The following TENM3 variants were observed in gnomAD, a reference collection of about 807,000 sequenced individuals.
TENM3 encodes the protein teneurin-3.
Under a neutral mutation model 255.1 loss-of-function variants are expected in TENM3, and 63 were observed. The ratio of observed to expected loss-of-function variants is 0.25; its 90% confidence interval spans 0.20 to 0.30. The LOEUF (loss-of-function observed/expected upper bound fraction) is 0.30. TENM3 is among the 10% of genes least tolerant of loss of function. The pLI is 1.00. For synonymous variants in TENM3, 1,306 were observed against 1,322.3 expected, an observed-to-expected ratio of 0.99 and a Z score of 0.27; for missense variants, 2,929 against 3,461.1, an observed-to-expected ratio of 0.85 and a Z score of 3.86.
the TENM3 span, among the ~76,000 whole-genome samples, chr4:181,654,165 A>G: frequency 2.0e-5 from 3 of 151,820 alleles, no homozygotes; most frequent in Non-Finnish European, 4.4e-5. Context: ...TAATAGTCCT[A>G]AAATAAAGCT....
At chr4:181,678,892 A>G in the TENM3 span, among the ~76,000 whole-genome samples, 1 of 151,596 alleles carries the variant, frequency 6.6e-6, no homozygotes, top group Non-Finnish European at 1.5e-5. Flanking sequence ...ATTATCTACC[A>G]ATAAAAGCTG....
chr4:182,301,832 CACACAACTCTAA>C (rs1173931272), intron 1 of TENM3, among the ~76,000 whole-genome samples: 31 of 152,104 alleles, frequency 2.0e-4, no homozygotes, highest in Non-Finnish European at 3.7e-4. Flanking sequence ...ATAAGTGTGG[CACACAACTCTAA>C]AGACAGGGAA....
the TENM3 span, among the ~76,000 whole-genome samples, chr4:181,997,520 C>T: frequency 8.5e-5 from 13 of 152,096 alleles, 1 homozygote; most frequent in Admixed American, 8.5e-4. Flanking sequence ...TGTTAAAGAT[C>T]TATTGCATTT....
the TENM3 span, among the ~76,000 whole-genome samples, chr4:181,861,748 C>T: frequency 6.6e-6 from 1 of 152,076 alleles, no homozygotes; most frequent in Non-Finnish European, 1.5e-5. Flanking sequence ...ATATTTTGTA[C>T]CATGAAAATA....
chr4:182,253,469 G>A (rs1758174355), intron 1 of TENM3, among the ~76,000 whole-genome samples: 1 of 152,064 alleles, frequency 6.6e-6, no homozygotes, highest in Non-Finnish European at 1.5e-5. Flanking sequence ...GCAAAACTCT[G>A]TCCCCCCAGA....
chr4:182,139,344 GAAATAAAAAGATGTT>G (rs1749232075), upstream of TENM3, among the ~76,000 whole-genome samples: 1 of 152,136 alleles, frequency 6.6e-6, no homozygotes, highest in Admixed American at 6.5e-5. Flanking sequence ...GCACTTCTGG[GAAATAAAAAGATGTT>G]CAATTTGTCT....
At chr4:181,716,898 A>T in the TENM3 span, among the ~76,000 whole-genome samples, 1 of 152,198 alleles carries the variant, frequency 6.6e-6, no homozygotes, top group Non-Finnish European at 1.5e-5. Flanking sequence ...CGCTCCCCCA[A>T]TACCTCACCA....
rs139347533 is a variant in TENM3, at chr4:182,286,354, G to A, written c.-75-37592G>A. Among the ~76,000 whole-genome samples, 284 of 152,260 alleles carry A rather than the reference G, an allele frequency of 1.9e-3. 1 individual carries two copies. Among genetic ancestry groups the A allele is most frequent in the African/African-American group, 6.6e-3 (276 of 41,558 alleles). Reference sequence around the variant, plus strand: ...CCAGCATAGATCAGCAAATTGGCAGGGGCCCACCTAACTGTTCAACCAGAG... The same window carrying A: ...CCAGCATAGATCAGCAAATTGGCAGAGGCCCACCTAACTGTTCAACCAGAG... On this transcript the variant is annotated intron_variant, in intron 1 of 27. Transcript: ENST00000511685.
chr4:182,624,448 A>G (rs1252830240), intron 4 of TENM3, among the ~76,000 whole-genome samples: 2 of 152,152 alleles, frequency 1.3e-5, no homozygotes, highest in African/African-American at 4.8e-5. Flanking sequence ...CGAGCATGGC[A>G]TGGAAGCAGT....
chr4:182,218,805 G>A (rs1258313856), intron 1 of TENM3, among the ~76,000 whole-genome samples: 1 of 152,198 alleles, frequency 6.6e-6, no homozygotes, highest in Non-Finnish European at 1.5e-5. Context: ...AAAGAATCAT[G>A]AAAATTTGAT....
intron 22 of TENM3, among the ~76,000 whole-genome samples, chr4:182,765,683 G>C (rs868839313): frequency 5.3e-5 from 8 of 151,986 alleles, no homozygotes; most frequent in Non-Finnish European, 7.4e-5. Context: ...AAAAACCTGG[G>C]TTCCGGTCGC....
chr4:182,582,982 C>T (rs1418287228), intron 3 of TENM3, among the ~76,000 whole-genome samples: 1 of 152,154 alleles, frequency 6.6e-6, no homozygotes, highest in Non-Finnish European at 1.5e-5. Flanking sequence ...TTTAAATGTG[C>T]AGTTATCCAA....
At chr4:182,320,373 G>A (rs1163017388) in intron 1 of TENM3, among the ~76,000 whole-genome samples, 1 of 152,168 alleles carries the variant, frequency 6.6e-6, no homozygotes, top group Admixed American at 6.5e-5. Context: ...AATCTGCTTC[G>A]CGCCTCTCTT....
At chr4:182,129,343 C>A in the TENM3 span, among the ~76,000 whole-genome samples, 12 of 152,072 alleles carry the variant, frequency 7.9e-5, no homozygotes, top group African/African-American at 2.9e-4. Context: ...TGTGAGAAAC[C>A]TGGTATTTTT....
intron 1 of TENM3, among the ~76,000 whole-genome samples, chr4:182,316,595 C>G (rs373737443): frequency 5.4e-4 from 82 of 152,186 alleles, no homozygotes; most frequent in African/African-American, 1.9e-3. Context: ...GCCCCCACTC[C>G]CACAAAAAAG....
chr4:182,228,882 C>T (rs1756373279), intron 1 of TENM3, among the ~76,000 whole-genome samples: 1 of 152,082 alleles, frequency 6.6e-6, no homozygotes, highest in African/African-American at 2.4e-5. Flanking sequence ...TAGACTTCAG[C>T]ACAAAGGTAC....
chr4:181,905,921 A>G, the TENM3 span: 11 of 570,410 alleles, frequency 1.9e-5, no homozygotes, highest in Middle Eastern at 8.8e-4. Context: ...CAGCAGAATG[A>G]CATTGCTCCA....
chr4:182,586,977 A>C (rs574805133), intron 3 of TENM3, among the ~76,000 whole-genome samples: 1 of 152,240 alleles, frequency 6.6e-6, no homozygotes, highest in Non-Finnish European at 1.5e-5. Context: ...TGAAATATTT[A>C]AGAAAGAAGA....
At chr4:182,009,146 C>A in the TENM3 span, among the ~76,000 whole-genome samples, 424 of 152,210 alleles carry the variant, frequency 2.8e-3, 2 homozygotes, top group African/African-American at 9.7e-3. Context: ...GGGGCACCAA[C>A]CTGATGCCAG....
Sources: allele counts gnomAD v4.1 joint callset (sites outside exome capture counted in the v4.1 genomes callset), GRCh38; gene constraint gnomAD v4.1.1; transcripts MANE v1.5; gene names NCBI Gene and HGNC (gene_info 2026-07-23, HGNC 2026-07-21).